The following EPSTI1 variants were observed in gnomAD, a reference collection of about 807,000 sequenced individuals.
EPSTI1 encodes epithelial-stromal interaction protein 1.
A neutral mutation model predicts 49.9 loss-of-function variants in EPSTI1; 66 were observed. The ratio of observed to expected loss-of-function variants is 1.32; its 90% CI spans 1.08 to 1.62. EPSTI1 has a LOEUF of 1.62. Among genes scored for constraint, EPSTI1 ranks in the 40% most tolerant of loss-of-function variants. EPSTI1 has a pLI of 0.00. For synonymous variants in EPSTI1, 137 were observed against 130.7 expected, an observed-to-expected ratio of 1.05 and a Z score of -0.33; for missense variants, 394 against 365.5, an observed-to-expected ratio of 1.08 and a Z score of -0.64.
intron 8 of EPSTI1, among the ~76,000 whole-genome samples, chr13:42,916,923 C>G (rs973727596): frequency 1.3e-5 from 2 of 152,166 alleles, no homozygotes; most frequent in South Asian, 4.1e-4. Context: ...GTATGAACAT[C>G]AAGTATGCCA....
At chr13:42,976,842 G>C (rs189124225) in intron 1 of EPSTI1, among the ~76,000 whole-genome samples, 2 of 152,264 alleles carry the variant, frequency 1.3e-5, no homozygotes, top group African/African-American at 4.8e-5. Flanking sequence ...AATTTTATTT[G>C]GGTGAATTTA....
At chr13:42,983,616 C>T (rs151154300) in intron 1 of EPSTI1, among the ~76,000 whole-genome samples, 1 of 145,578 alleles carries the variant, frequency 6.9e-6, no homozygotes, top group East Asian at 2.1e-4. Flanking sequence ...GCTAGCTGTA[C>T]TATCAATCCT....
At chr13:42,931,070 T>C (rs1033298552) in intron 6 of EPSTI1, among the ~76,000 whole-genome samples, 1 of 152,210 alleles carries the variant, frequency 6.6e-6, no homozygotes, top group African/African-American at 2.4e-5. Flanking sequence ...GCTGAAGTGA[T>C]CCACATCAAT....
At chr13:42,957,013 A>G (rs1176987322) in intron 5 of EPSTI1, among the ~76,000 whole-genome samples, 1 of 152,214 alleles carries the variant, frequency 6.6e-6, no homozygotes, top group Non-Finnish European at 1.5e-5. Flanking sequence ...CCACAAATAC[A>G]CGAGAACCCC....
chr13:42,977,131 T>C (rs1401121358), intron 1 of EPSTI1, among the ~76,000 whole-genome samples: 1 of 152,146 alleles, frequency 6.6e-6, no homozygotes, highest in East Asian at 1.9e-4. Context: ...ACACTAACAG[T>C]CCTCTGAATT....
At chr13:42,919,711 T>G (rs74060678) in intron 7 of EPSTI1, among the ~76,000 whole-genome samples, 1,672 of 152,222 alleles carry the variant, frequency 0.011, 35 homozygotes, top group African/African-American at 0.037. Flanking sequence ...TAAACTAGAT[T>G]GAGGAGACTT....
At chr13:42,914,486 T>C (rs1446435372) in intron 8 of EPSTI1, among the ~76,000 whole-genome samples, 2 of 151,328 alleles carry the variant, frequency 1.3e-5, no homozygotes, top group African/African-American at 2.4e-5. Flanking sequence ...TGTTACAGAG[T>C]TCAGGGAGAA....
rs143934127 is a variant in EPSTI1 at position 42,934,179 on chromosome 13, T to G, written c.564-7750A>C. The G allele has an allele frequency of 3.8e-5, 6 of 157,684 alleles. No individual in the cohort carries two copies. The East Asian group carries it at 1.0e-3, about 27-fold the overall frequency. 9.8% of individuals were successfully genotyped at this position (157,684 alleles called of 1,614,324 possible). ...CTTCTTCTGCCCTGTCTGCTTCTGATTGTAAACCCGTTTATTTCCACCCTA... is the reference window on the plus strand; with the variant it reads ...CTTCTTCTGCCCTGTCTGCTTCTGAGTGTAAACCCGTTTATTTCCACCCTA... On this transcript the variant is annotated intron_variant, in intron 6 of 10. Coordinates refer to ENST00000313624, the MANE Select transcript of EPSTI1 (RefSeq NM_033255.5).
chr13:42,929,768 T>C (rs1347772484), intron 6 of EPSTI1, among the ~76,000 whole-genome samples: 4 of 152,202 alleles, frequency 2.6e-5, no homozygotes, highest in Admixed American at 2.6e-4. Context: ...ATGAGCTTAG[T>C]GGTTGATGCA....
Position 42,922,275 on chromosome 13 carries a change from CTG to C in EPSTI1, c.657+4059_657+4060del, listed in dbSNP as rs1352353496. Among the ~76,000 whole-genome samples the C allele has an allele frequency of 1.3e-5, 2 of 152,294 alleles. No homozygotes were observed. The highest frequency in any genetic ancestry group is 1.3e-4 in the Admixed American group (2 of 15,310). ...CCAAAGACGTCCCAATCCCTGGAAT[CTG>C]TGAATGTTTCTTTATGTGACAAAAG... is the stretch of plus-strand genomic sequence containing the variant. On this transcript the variant is annotated intron_variant, in intron 7 of 10. Coordinates refer to ENST00000313624, the MANE Select transcript of EPSTI1 (RefSeq NM_033255.5). This position sits in a 1 kb window ranked among gnomAD's most constrained non-coding sequence, Gnocchi z 4.8.
intron 1 of EPSTI1, among the ~76,000 whole-genome samples, chr13:42,987,114 A>C: frequency 6.6e-6 from 1 of 152,146 alleles, no homozygotes; most frequent in African/African-American, 2.4e-5. Context: ...AAACTGGGGA[A>C]GGGGAGATGC....
chr13:42,905,863 CAGGAG>C (rs1284959450), intron 8 of EPSTI1, among the ~76,000 whole-genome samples: 1 of 152,164 alleles, frequency 6.6e-6, no homozygotes. Context: ...GGAATGCAAA[CAGGAG>C]AAGGGTGTTC....
chr13:42,926,257 A>T (rs941794329), intron 7 of EPSTI1, 79 bp downstream of exon 7: 5 of 849,028 alleles, frequency 5.9e-6, no homozygotes, highest in Middle Eastern at 4.4e-4. Flanking sequence ...TGTACAAGTC[A>T]CTCTATATCC....
At position 42,938,914 on chromosome 13, in the gene EPSTI1, C is replaced by CAAAAAAAAAAAAAAAAAAAA. The variant is rs57079104; in HGVS notation, c.564-12486_564-12485insTTTTTTTTTTTTTTTTTTTT. 8.4e-4 allele frequency among the ~76,000 whole-genome samples: 50 copies of CAAAAAAAAAAAAAAAAAAAA among 59,630 alleles called. 4 individuals carry two copies. Among genetic ancestry groups the CAAAAAAAAAAAAAAAAAAAA allele is most frequent in the East Asian group, 3.5e-3 (4 of 1,158 alleles). The allele number at this position is 59,630 out of a possible 152,430, so 39.1% of individuals were successfully genotyped here. On this transcript the variant is annotated intron_variant, in intron 6 of 10. Coordinates refer to ENST00000313624, the MANE Select transcript of EPSTI1 (RefSeq NM_033255.5). ...TGGGAGACAGAGCAAGACTCTGTCT[C>CAAAAAAAAAAAAAAAAAAAA]AAAAAAAAAAAAAAAAAATCTGTTG...
intron 6 of EPSTI1, among the ~76,000 whole-genome samples, chr13:42,950,310 C>T (rs1212732719): frequency 6.6e-6 from 1 of 152,228 alleles, no homozygotes; most frequent in Admixed American, 6.5e-5. Flanking sequence ...TAAAAACCAT[C>T]CTGTGTGCTC....
chr13:42,919,349 G>A (rs368978236), intron 7 of EPSTI1: 2 of 1,612,164 alleles, frequency 1.2e-6, no homozygotes, highest in Non-Finnish European at 1.7e-6. Flanking sequence ...AAAAATAATA[G>A]AAGGGAATAA....
chr13:42,966,455 A>G (rs1376296508), intron 3 of EPSTI1, among the ~76,000 whole-genome samples: 1 of 31,260 alleles, frequency 3.2e-5, no homozygotes, highest in Non-Finnish European at 6.3e-5. Context: ...GGATGTGAGG[A>G]GCGCCTCTGC....
intron 6 of EPSTI1, among the ~76,000 whole-genome samples, chr13:42,930,586 T>G (rs779126032): frequency 6.6e-6 from 1 of 152,256 alleles, no homozygotes; most frequent in Non-Finnish European, 1.5e-5. Context: ...GAGAACTTTG[T>G]GCTTAATCAA....
intron 7 of EPSTI1, among the ~76,000 whole-genome samples, chr13:42,918,426 A>G (rs965932089): frequency 1.3e-5 from 2 of 152,226 alleles, no homozygotes; most frequent in Non-Finnish European, 2.9e-5. Context: ...GATCTCATAA[A>G]AAACTATCAG....
Sources: gnomAD v4.1 joint callset for allele counts (sites outside exome capture counted in the v4.1 genomes callset) on GRCh38, gnomAD v4.1.1 for gene constraint, Gnocchi (gnomAD v3.1) non-coding constraint, MANE v1.5 for transcripts, NCBI Gene and HGNC (gene_info 2026-07-23, HGNC 2026-07-21) for gene names.